LAMB1: variants seen among roughly 807,000 people sequenced by gnomAD.
The protein encoded by LAMB1 is laminin subunit beta 1.
Under a neutral mutation model 222.3 loss-of-function variants are expected in LAMB1, and 121 were observed. The observed-to-expected ratio is 0.54, with a 90% CI of 0.47 to 0.63. LAMB1 has a LOEUF of 0.63. LAMB1 is among the 30% of genes least tolerant of loss of function. The probability of loss-of-function intolerance (pLI) is 0.00; values close to 1 mark genes in which losing one functional copy is unlikely to be tolerated. For missense variants in LAMB1, 2,172 were observed against 2,240.8 expected, an observed-to-expected ratio of 0.97 and a Z score of 0.62; for synonymous variants, 794 against 807.2, an observed-to-expected ratio of 0.98 and a Z score of 0.28.
intron 32 of LAMB1, among the ~76,000 whole-genome samples, chr7:107,924,899 T>C (rs562504223): frequency 6.6e-6 from 1 of 152,274 alleles, no homozygotes; most frequent in East Asian, 1.9e-4. Flanking sequence ...GGGTGTGGGG[T>C]TGGAATGCAA....
At chr7:107,963,804 G>A (rs979050902) in intron 14 of LAMB1, among the ~76,000 whole-genome samples, 4 of 152,214 alleles carry the variant, frequency 2.6e-5, no homozygotes, top group Admixed American at 2.6e-4. Context: ...AGCCATCTAA[G>A]AAATCTCACT....
At chr7:107,985,352 G>T (rs537501002) in intron 7 of LAMB1, among the ~76,000 whole-genome samples, 1 of 152,190 alleles carries the variant, frequency 6.6e-6, no homozygotes, top group Non-Finnish European at 1.5e-5. Context: ...GGCCAGGCGC[G>T]CTGGTTCACG....
chr7:107,977,893 A>G (rs1052589536), intron 9 of LAMB1, among the ~76,000 whole-genome samples, 154 bp downstream of exon 9: 6 of 152,210 alleles, frequency 3.9e-5, no homozygotes, highest in Non-Finnish European at 8.8e-5. Context: ...CTGAATGCAG[A>G]TTGTTGGTTG....
intron 10 of LAMB1, 117 bp downstream of exon 10, chr7:107,975,572 T>A (rs986317788): frequency 7.1e-6 from 9 of 1,264,464 alleles, no homozygotes; most frequent in South Asian, 1.5e-5. Context: ...TCAACTGCAA[T>A]TACAATAACA....
At position 107,940,364 on chromosome 7, in the gene LAMB1, A is replaced by T; in HGVS notation, c.3392-6T>A. 1 of 1,609,778 alleles carries T rather than the reference A, an allele frequency of 6.2e-7. No individual in the cohort carries two copies. Among genetic ancestry groups the T allele is most frequent in the Non-Finnish European group, 8.5e-7 (1 of 1,176,502 alleles). ...CCTGGGGTCACAGTCACAGGCTAGA[A>T]GGGAATAAGCAATGCTAGCTGATCT... On this transcript the variant is annotated splice_region_variant and splice_polypyrimidine_tract_variant and intron_variant, in intron 24 of 33. Transcript: ENST00000222399.
chr7:107,925,414 A>G (rs2032537833), intron 32 of LAMB1, among the ~76,000 whole-genome samples: 2 of 152,014 alleles, frequency 1.3e-5, no homozygotes, highest in Non-Finnish European at 2.9e-5. Context: ...TGCACTCCTT[A>G]TGGAATCTAA....
chr7:107,947,983 CTTTTT>C (rs10630521), intron 24 of LAMB1, among the ~76,000 whole-genome samples: 5 of 117,256 alleles, frequency 4.3e-5, no homozygotes, highest in Admixed American at 1.0e-4. Flanking sequence ...TCTTCTTCTT[CTTTTT>C]TTTTTTTTTT....
At chr7:107,980,017 A>G (rs1302810185) in intron 8 of LAMB1, among the ~76,000 whole-genome samples, 1 of 152,050 alleles carries the variant, frequency 6.6e-6, no homozygotes, top group Non-Finnish European at 1.5e-5. Flanking sequence ...AGATCAGCCT[A>G]GCCAACATGA....
chr7:107,946,109 A>G (rs545420936), intron 24 of LAMB1, among the ~76,000 whole-genome samples: 13 of 152,132 alleles, frequency 8.5e-5, no homozygotes, highest in Non-Finnish European at 1.6e-4. Context: ...AAACTGCTAC[A>G]CCCTAAGATT....
chr7:107,979,562 C>A (rs756025221), intron 8 of LAMB1, among the ~76,000 whole-genome samples: 5 of 152,120 alleles, frequency 3.3e-5, no homozygotes, highest in Admixed American at 6.5e-5. Context: ...TCCTATCTGG[C>A]CTTAAAATCC....
intron 4 of LAMB1, among the ~76,000 whole-genome samples, chr7:107,995,178 C>G (rs1459611053): frequency 1.3e-5 from 2 of 152,186 alleles, no homozygotes; most frequent in African/African-American, 4.8e-5. Context: ...ACAAATCATT[C>G]TGGAGTTCAA....
intron 25 of LAMB1, among the ~76,000 whole-genome samples, chr7:107,937,817 C>T (rs1487045548): frequency 6.6e-6 from 1 of 152,192 alleles, no homozygotes; most frequent in Non-Finnish European, 1.5e-5. Context: ...TCAGAGGGGC[C>T]TCCTTCTACC....
chr7:107,971,628 A>G (rs2150436386), intron 13 of LAMB1, among the ~76,000 whole-genome samples: 1 of 152,224 alleles, frequency 6.6e-6, no homozygotes, highest in East Asian at 1.9e-4. Context: ...TCATGCTAGA[A>G]AGATCAGATG....
chr7:107,944,077 A>G (rs759706526), intron 24 of LAMB1, among the ~76,000 whole-genome samples: 5 of 152,210 alleles, frequency 3.3e-5, no homozygotes, highest in Non-Finnish European at 7.3e-5. Flanking sequence ...GCAGAGTTGC[A>G]TATGCTTATA....
chr7:107,953,089 GCTCACGC>G (rs2033293683), intron 22 of LAMB1, among the ~76,000 whole-genome samples: 1 of 152,194 alleles, frequency 6.6e-6, no homozygotes. Flanking sequence ...AGGTGCAACG[GCTCACGC>G]CTGTAATCCC....
intron 24 of LAMB1, among the ~76,000 whole-genome samples, chr7:107,948,060 C>G (rs1020098196): frequency 2.7e-5 from 4 of 148,966 alleles, no homozygotes; most frequent in Admixed American, 2.0e-4. Flanking sequence ...TCTGCTCACT[C>G]ACTGCAACCT....
intron 7 of LAMB1, among the ~76,000 whole-genome samples, chr7:107,984,975 C>T (rs2034045940): frequency 6.6e-6 from 1 of 152,120 alleles, no homozygotes; most frequent in African/African-American, 2.4e-5. Flanking sequence ...CTCTAGAAAA[C>T]TCTTTGGTGG....
intron 22 of LAMB1, among the ~76,000 whole-genome samples, chr7:107,952,690 CAT>C (rs778297015): frequency 1.6e-4 from 25 of 152,306 alleles, no homozygotes; most frequent in African/African-American, 2.6e-4. Flanking sequence ...GCATTCCACA[CAT>C]GTTTGTATAA....
chr7:107,986,428 C>A, intron 5 of LAMB1, 65 bp from the exon 6 acceptor site: 1 of 1,417,584 alleles, frequency 7.1e-7, no homozygotes, highest in Admixed American at 2.3e-5. Flanking sequence ...TTTTTAATCT[C>A]AGGTAAAAAT....
Sources: allele counts gnomAD v4.1 joint callset (sites outside exome capture counted in the v4.1 genomes callset), GRCh38; gene constraint gnomAD v4.1.1; transcripts MANE v1.5; gene names NCBI Gene and HGNC (gene_info 2026-07-23, HGNC 2026-07-21).